Variants in DAZAP1 observed in about 807,000 individuals in gnomAD.
DAZAP1 encodes DAZ-associated protein 1.
DAZAP1 carries 6 observed loss-of-function variants against 60.1 expected under a neutral mutation model. The ratio of observed to expected loss-of-function variants is 0.10; its 90% CI spans 0.05 to 0.20. DAZAP1 has a LOEUF of 0.20. DAZAP1 is among the 10% of genes least tolerant of loss of function. The pLI, the probability that DAZAP1 is intolerant of heterozygous loss-of-function variation, is 1.00. For missense variants in DAZAP1, 366 were observed against 560.4 expected (o/e 0.65, Z 3.50); for synonymous variants, 235 against 215.9 (o/e 1.09, Z -0.78).
chr19:1,411,303 A>G (rs1321324160), intron 1 of DAZAP1, among the ~76,000 whole-genome samples: 1 of 152,214 alleles, frequency 6.6e-6, no homozygotes, highest in African/African-American at 2.4e-5. Flanking sequence ...GGTGCTGGGC[A>G]GCACCTTTGG....
chr19:1,408,986 A>G (rs748205530), intron 1 of DAZAP1, among the ~76,000 whole-genome samples: 13 of 152,210 alleles, frequency 8.5e-5, no homozygotes, highest in Non-Finnish European at 1.2e-4. Flanking sequence ...GGTTGCTGCT[A>G]GAGGGTTGCC....
intron 10 of DAZAP1, among the ~76,000 whole-genome samples, chr19:1,430,905 T>C (rs1288091932): frequency 6.6e-6 from 1 of 151,150 alleles, no homozygotes; most frequent in East Asian, 2.0e-4. Context: ...GTATTTTTAG[T>C]AGAGACGGGG....
rs530663613 is a variant in DAZAP1 at position 1,408,266 on chromosome 19, G to C, written c.29+464G>C. Among the ~76,000 whole-genome samples the C allele has an allele frequency of 7.2e-5, 11 of 152,220 alleles. No individual in the cohort carries two copies. In the South Asian group the frequency reaches 2.3e-3, roughly 32 times the overall value. On this transcript the variant is annotated intron_variant, in intron 1 of 11. Coordinates refer to ENST00000233078, the MANE Select transcript of DAZAP1 (RefSeq NM_018959.4). ...ACGGGAACTTGGGGGGGTCTGGAGC[G>C]TCCCCGTTGCCGCCTGTAGGGCTTC...
At chr19:1,421,959 G>C (rs929929413) in intron 5 of DAZAP1, among the ~76,000 whole-genome samples, 1 of 152,224 alleles carries the variant, frequency 6.6e-6, no homozygotes, top group East Asian at 1.9e-4. Flanking sequence ...AGGGCCGAGC[G>C]TGCCCTTTGC....
chr19:1,409,860 G>C (rs544177350), intron 1 of DAZAP1: 8 of 152,406 alleles, frequency 5.2e-5, no homozygotes, highest in African/African-American at 1.9e-4. Context: ...CCACTGGGGG[G>C]GCTCGGCAGC....
Position 1,422,344 on chromosome 19 carries a change from C to T in DAZAP1, c.415-4C>T, listed in dbSNP as rs1206547596. The T allele has an allele frequency of 6.2e-7, 1 of 1,614,022 alleles. No individual in the cohort carries two copies. The highest frequency in any genetic ancestry group is 1.3e-5 in the African/African-American group (1 of 75,054). ...TCCGTGCTGACGCCACCCTCTCCTT[C>T]CAGGTCACGGAGGTAGTCATGATCT... On this transcript the variant is annotated splice_polypyrimidine_tract_variant and splice_region_variant and intron_variant, in intron 5 of 11. Transcript: ENST00000233078. This position sits in a 1 kb window ranked among gnomAD's most constrained non-coding sequence, Gnocchi z 4.5.
In DAZAP1 at chr19:1,428,918, G is replaced by A; in HGVS notation, c.623G>A (p.Ser208Asn). The A allele has an allele frequency of 6.2e-7, 1 of 1,612,836 alleles. No homozygotes were observed. Residue 208 changes from serine to asparagine, a missense_variant, in exon 8 of 12, where the codon AGC becomes AAC. Transcript: ENST00000233078. The surrounding 1 kb of genome is among the most constrained non-coding windows in gnomAD (Gnocchi z 4.0). ...PGQPGASQWG[S>N]RVVPNAANGW... ...CAGCCAGGTGCCAGCCAGTGGGGGA[G>A]CCGGGTTGTGCCCAACGCTGCCAAT...
intron 6 of DAZAP1, among the ~76,000 whole-genome samples, chr19:1,424,815 C>G (rs993021068): frequency 6.6e-6 from 1 of 152,218 alleles, no homozygotes; most frequent in Non-Finnish European, 1.5e-5. Flanking sequence ...AGCTGTCTGC[C>G]GGGCACTTCC....
At chr19:1,427,167 G>A (rs931793204) in intron 7 of DAZAP1, 3 of 152,346 alleles carry the variant, frequency 2.0e-5, no homozygotes, top group Admixed American at 6.5e-5. Context: ...CTGCATGGGT[G>A]CGCGACAGTA....
chr19:1,421,112 C>G, intron 4 of DAZAP1, 36 bp from the exon 5 acceptor site: 1 of 1,599,634 alleles, frequency 6.3e-7, no homozygotes, highest in Non-Finnish European at 8.6e-7. Flanking sequence ...TTGGAGGGTT[C>G]CCGTGTGAAC....
At position 1,433,546 on chromosome 19, in the gene DAZAP1, C is replaced by T; in HGVS notation, c.1048+856C>T. On this transcript the variant is annotated intron_variant, in intron 11 of 11. Transcript: ENST00000233078. The surrounding 1 kb of genome is among the most constrained non-coding windows in gnomAD (Gnocchi z 6.1). ...CCACCCACCTCGCATGGCTGTGGTT[C>T]CCCTGCCCCCACGCCCAGGCCTTGG... 1 of 502,074 alleles carries T rather than the reference C, an allele frequency of 2.0e-6. No homozygotes were observed. The highest frequency in any genetic ancestry group is 3.2e-5 in the Admixed American group (1 of 30,946). 31.1% of individuals were successfully genotyped at this position (502,074 alleles called of 1,614,324 possible). A position where few individuals can be genotyped will look rare whatever the true frequency, so the allele number is the denominator to read the frequency against.
chr19:1,417,827 G>A (rs929039583), intron 2 of DAZAP1, among the ~76,000 whole-genome samples: 3 of 152,212 alleles, frequency 2.0e-5, no homozygotes, highest in African/African-American at 7.2e-5. Context: ...CAGAGGGCTG[G>A]GGGCTGGCCA....
chr19:1,421,425 A>G lies in DAZAP1; in HGVS notation c.414+167A>G, dbSNP rs2083152926. 2.0e-5 allele frequency among the ~76,000 whole-genome samples: 3 copies of G among 152,268 alleles called. 1 individual carries two copies. Among genetic ancestry groups the G allele is most frequent in the Admixed American group, 2.0e-4 (3 of 15,286 alleles). ...GCCTGCGCCCTCCGGAAAGGTGGAAAGCCCGGCCTTTGCCTTCATGGCCAT... is the reference window on the plus strand; with the variant it reads ...GCCTGCGCCCTCCGGAAAGGTGGAAGGCCCGGCCTTTGCCTTCATGGCCAT... On this transcript the variant is annotated intron_variant, in intron 5 of 11. Transcript: ENST00000233078.
At chr19:1,412,800 C>T (rs2082867523) in intron 1 of DAZAP1, among the ~76,000 whole-genome samples, 3 of 152,228 alleles carry the variant, frequency 2.0e-5, no homozygotes, top group Admixed American at 2.0e-4. Flanking sequence ...GAGCACCTGC[C>T]AGGTGTCGAG....
intron 1 of DAZAP1, among the ~76,000 whole-genome samples, chr19:1,411,358 A>C (rs1414323618): frequency 6.6e-6 from 1 of 152,216 alleles, no homozygotes; most frequent in Non-Finnish European, 1.5e-5. Context: ...CGTGACAACC[A>C]CAAATGTTCC....
chr19:1,422,956 T>C lies in DAZAP1; in HGVS notation c.463+560T>C, dbSNP rs1190398265. Among the ~76,000 whole-genome samples the C allele has an allele frequency of 6.6e-6, 1 of 152,156 alleles. No individual in the cohort carries two copies. On this transcript the variant is annotated intron_variant, in intron 6 of 11. Coordinates refer to ENST00000233078, the MANE Select transcript of DAZAP1 (RefSeq NM_018959.4). The surrounding 1 kb of genome is among the most constrained non-coding windows in gnomAD (Gnocchi z 4.5). ...CTCCCCTCATTTTCCCTCAGCTTCT[T>C]GCACACCCATCCATGCTGGTTTGTG...
In DAZAP1 at chr19:1,433,856, T is replaced by A. The variant is rs777572439; in HGVS notation, c.1049-881T>A. The A allele has an allele frequency of 1.3e-6, 2 of 1,590,514 alleles. No individual in the cohort carries two copies. The highest frequency in any genetic ancestry group is 1.7e-4 in the Middle Eastern group (1 of 5,960). Reference sequence around the variant, plus strand: ...GGTGCCGCCTCCTTCTCCAGGGTCCTCCCACCCGCCTGCACCGGGAGGTGG... The same window carrying A: ...GGTGCCGCCTCCTTCTCCAGGGTCCACCCACCCGCCTGCACCGGGAGGTGG... On this transcript the variant is annotated intron_variant, in intron 11 of 11. Transcript: ENST00000233078. This position sits in a 1 kb window ranked among gnomAD's most constrained non-coding sequence, Gnocchi z 6.1.
At chr19:1,429,104 C>A (rs956860538) in intron 8 of DAZAP1, 109 bp downstream of exon 8, 6 of 1,338,294 alleles carry the variant, frequency 4.5e-6, no homozygotes, top group Non-Finnish European at 5.9e-6. Context: ...TGTGCATGCA[C>A]AGAGCCGCGG....
In DAZAP1 at chr19:1,423,748, C is replaced by CT. The variant is rs1475939968; in HGVS notation, c.463+1354dup. The stretch of plus-strand genomic sequence containing the variant: ...CAATACTGCCTCTGATCTTGGGAAA[C>CT]TTGAGCGCGCGGGAATCTGAGGGTT... On this transcript the variant is annotated intron_variant, in intron 6 of 11. Transcript: ENST00000233078. The surrounding 1 kb of genome is among the most constrained non-coding windows in gnomAD (Gnocchi z 6.8). Among the ~76,000 whole-genome samples the CT allele has an allele frequency of 5.9e-5, 9 of 152,374 alleles. No individual in the cohort carries two copies. In the South Asian group the frequency reaches 1.9e-3, roughly 32 times the overall value.
Sources: allele counts gnomAD v4.1 joint callset (sites outside exome capture counted in the v4.1 genomes callset), GRCh38; gene constraint gnomAD v4.1.1; non-coding constraint Gnocchi (gnomAD v3.1); transcripts MANE v1.5; gene names NCBI Gene and HGNC (gene_info 2026-07-23, HGNC 2026-07-21).